Variants in FAM135A observed in about 807,000 individuals in gnomAD.
The protein encoded by FAM135A is protein FAM135A.
In FAM135A, 79 loss-of-function variants were observed where a neutral mutation model predicts 146.8. The observed-to-expected ratio is 0.54, with a 90% CI of 0.45 to 0.65. The LOEUF (loss-of-function observed/expected upper bound fraction) is 0.65. FAM135A is among the 30% of genes least tolerant of loss of function. FAM135A has a pLI of 0.00. For synonymous variants in FAM135A, 562 were observed against 603.6 expected (o/e 0.93, Z 1.01); for missense variants, 1,623 against 1,758.2 (o/e 0.92, Z 1.38).
chr6:70,529,438 T>TA (rs763023513), intron 16 of FAM135A, among the ~76,000 whole-genome samples: 2,146 of 134,900 alleles, frequency 0.016, 31 homozygotes, highest in African/African-American at 0.038. Flanking sequence ...GATTTTTCTT[T>TA]AAAAAAAAAA....
chr6:70,421,569 C>G (rs969989343), intron 2 of FAM135A, among the ~76,000 whole-genome samples: 1 of 152,198 alleles, frequency 6.6e-6, no homozygotes, highest in Non-Finnish European at 1.5e-5. Context: ...CCCTTCTTGT[C>G]TCTAAGGGCT....
At chr6:70,513,736 G>C (rs1192275333) in intron 12 of FAM135A, among the ~76,000 whole-genome samples, 1 of 151,974 alleles carries the variant, frequency 6.6e-6, no homozygotes, top group African/African-American at 2.4e-5. Context: ...TTTTTAGGTA[G>C]AGTATTCTAT....
At chr6:70,448,799 T>G (rs563007381) in intron 4 of FAM135A, among the ~76,000 whole-genome samples, 16 of 152,388 alleles carry the variant, frequency 1.0e-4, no homozygotes, top group African/African-American at 3.4e-4. Context: ...TGGATGGGTT[T>G]GGCTAGTTAT....
chr6:70,544,484 C>T (rs1005834014), intron 20 of FAM135A, among the ~76,000 whole-genome samples: 2 of 151,970 alleles, frequency 1.3e-5, no homozygotes, highest in African/African-American at 2.4e-5. Context: ...ACCGAGATCT[C>T]GCCATTGCAC....
At chr6:70,507,235 A>G (rs1258005327) in intron 12 of FAM135A, among the ~76,000 whole-genome samples, 1 of 152,146 alleles carries the variant, frequency 6.6e-6, no homozygotes, top group Non-Finnish European at 1.5e-5. Context: ...CCTTCCCTGC[A>G]GTGTATCACA....
At chr6:70,495,563 A>G (rs1787027983) in intron 11 of FAM135A, among the ~76,000 whole-genome samples, 3 of 152,248 alleles carry the variant, frequency 2.0e-5, no homozygotes, top group Admixed American at 2.0e-4. Context: ...AACTGAGAGT[A>G]ACAGTATCAT....
Position 70,555,877 on chromosome 6 carries a change from A to G in FAM135A, c.4229-873A>G, listed in dbSNP as rs530385638. Among the ~76,000 whole-genome samples the G allele has an allele frequency of 2.0e-5, 3 of 152,260 alleles. No homozygotes were observed. In the East Asian group the frequency reaches 5.8e-4, roughly 29 times the overall value. ...GTCACCTCCCCCAAAAAAGTGGTAT[A>G]ATCTAAGGATGGCCTTATTTTTGGC... On this transcript the variant is annotated intron_variant, in intron 20 of 21. Transcript: ENST00000418814.
chr6:70,484,241 C>T (rs1337209158), intron 10 of FAM135A, among the ~76,000 whole-genome samples: 1 of 152,094 alleles, frequency 6.6e-6, no homozygotes, highest in East Asian at 1.9e-4. Flanking sequence ...GAGAAATTCA[C>T]CCAGCAAAAT....
chr6:70,479,089 A>G (rs1369023535), intron 8 of FAM135A, among the ~76,000 whole-genome samples: 1 of 152,100 alleles, frequency 6.6e-6, no homozygotes, highest in East Asian at 1.9e-4. Flanking sequence ...AAATTGTTTT[A>G]ACTATTTCTT....
chr6:70,545,312 C>T (rs1159103089), intron 20 of FAM135A, among the ~76,000 whole-genome samples: 1 of 152,010 alleles, frequency 6.6e-6, no homozygotes, highest in Non-Finnish European at 1.5e-5. Context: ...GGAAAAAACA[C>T]TAAAGAGTAC....
chr6:70,545,518 GGC>G (rs1798695357), intron 20 of FAM135A, among the ~76,000 whole-genome samples: 1 of 152,098 alleles, frequency 6.6e-6, no homozygotes, highest in Non-Finnish European at 1.5e-5. Context: ...AGAAGGCTGA[GGC>G]AGGAGAATTG....
chr6:70,455,928 T>C (rs1778274259), intron 5 of FAM135A, among the ~76,000 whole-genome samples: 1 of 152,152 alleles, frequency 6.6e-6, no homozygotes, highest in Non-Finnish European at 1.5e-5. Flanking sequence ...CTCGGCTCAC[T>C]GCAACCTCCG....
intron 12 of FAM135A, among the ~76,000 whole-genome samples, chr6:70,510,314 C>T (rs1790704176): frequency 6.6e-6 from 1 of 151,944 alleles, no homozygotes; most frequent in South Asian, 2.1e-4. Context: ...TGCAAATTAA[C>T]CATTAACAAT....
rs1269663296 is a variant in FAM135A at position 70,524,351 on chromosome 6, G to A, written c.1267G>A (p.Ala423Thr). Residue 423 changes from alanine to threonine, a missense_variant, in exon 15 of 22, where the codon GCA (alanine) becomes ACA (threonine). Transcript: ENST00000418814. ...TTTTCTTTGGATAAAAGACTTAGAT[G>A]CACCCTGGATGGGAATTCAGAATCT... ...YLDSVTEDLD[A>T]PWMGIQNLQR... 6.7e-7 allele frequency: 1 copy of A among 1,482,410 alleles called. No homozygotes were observed. Among genetic ancestry groups the A allele is most frequent in the African/African-American group, 1.4e-5 (1 of 70,010 alleles). The allele number at this position is 1,482,410 out of a possible 1,614,324, so 91.8% of individuals were successfully genotyped here. A position where few individuals can be genotyped will look rare whatever the true frequency, so the allele number is the denominator to read the frequency against.
At chr6:70,486,965 A>G (rs919133631) in intron 10 of FAM135A, among the ~76,000 whole-genome samples, 1 of 151,496 alleles carries the variant, frequency 6.6e-6, no homozygotes, top group African/African-American at 2.4e-5. Flanking sequence ...CTGCAGAAAT[A>G]GAGAAGAGAT....
At chr6:70,532,382 A>T (rs1795998400) in intron 16 of FAM135A, among the ~76,000 whole-genome samples, 1 of 150,930 alleles carries the variant, frequency 6.6e-6, no homozygotes, top group African/African-American at 2.4e-5. Context: ...CTTTTGAGTT[A>T]ATTATTATTA....
intron 10 of FAM135A, among the ~76,000 whole-genome samples, chr6:70,486,978 G>A (rs1472981571): frequency 6.6e-6 from 1 of 150,896 alleles, no homozygotes; most frequent in Non-Finnish European, 1.5e-5. Flanking sequence ...GAAGAGATGG[G>A]AGGCTGAGGC....
At chr6:70,521,855 A>C (rs1793654178) in intron 12 of FAM135A, among the ~76,000 whole-genome samples, 1 of 152,202 alleles carries the variant, frequency 6.6e-6, no homozygotes, top group Admixed American at 6.5e-5. Flanking sequence ...TGATTCTGTA[A>C]TATGCCAAGA....
At chr6:70,486,552 A>G (rs570025880) in intron 10 of FAM135A, among the ~76,000 whole-genome samples, 4 of 152,232 alleles carry the variant, frequency 2.6e-5, no homozygotes, top group South Asian at 2.1e-4. Context: ...TATTACTACA[A>G]TTTGTTGGTT....
Sources: gnomAD v4.1 joint callset for allele counts (sites outside exome capture counted in the v4.1 genomes callset) on GRCh38, gnomAD v4.1.1 for gene constraint, MANE v1.5 for transcripts, NCBI Gene and HGNC (gene_info 2026-07-23, HGNC 2026-07-21) for gene names.